The following MYH11 variants were observed in gnomAD, a reference collection of about 807,000 sequenced individuals.
MYH11 encodes the protein myosin heavy chain 11, also known as myosin-11.
A neutral mutation model predicts 246.6 loss-of-function variants in MYH11; 80 were observed. That is an observed-to-expected ratio of 0.32 (90% CI 0.27 to 0.39). MYH11 has a LOEUF of 0.39. MYH11 is among the 10% of genes least tolerant of loss of function. MYH11 has a pLI of 1.00. For synonymous variants in MYH11, 1,071 were observed against 1,015.5 expected, an observed-to-expected ratio of 1.05 and a Z score of -1.04; for missense variants, 2,158 against 2,546.8, an observed-to-expected ratio of 0.85 and a Z score of 3.29.
chr16:15,763,753 C>CT, intron 10 of MYH11, 43 bp downstream of exon 10: 1 of 843,582 alleles, frequency 1.2e-6, no homozygotes, highest in Non-Finnish European at 2.1e-6. Context: ...CCCCACCCCC[C>CT]CAACCCCAAA....
At chr16:15,827,789 C>T (rs752699081) in intron 2 of MYH11, among the ~76,000 whole-genome samples, 9 of 152,212 alleles carry the variant, frequency 5.9e-5, no homozygotes, top group Non-Finnish European at 2.9e-5. Flanking sequence ...GGGCCTTGCA[C>T]GGCGGCAGTA....
At chr16:15,816,353 C>T (rs1195838944) in intron 3 of MYH11, among the ~76,000 whole-genome samples, 2 of 151,854 alleles carry the variant, frequency 1.3e-5, no homozygotes, top group Non-Finnish European at 2.9e-5. Flanking sequence ...AGGAGATTAA[C>T]ACATTTAGAA....
chr16:15,841,230 T>C (rs1319216406), intron 1 of MYH11, among the ~76,000 whole-genome samples: 1 of 152,168 alleles, frequency 6.6e-6, no homozygotes. Flanking sequence ...CCTCTGCCTC[T>C]GGGTTCAAGC....
Position 15,728,242 on chromosome 16 carries a change from ATAAC to A in MYH11, c.3652-1192_3652-1189del, listed in dbSNP as rs749938504. Among the ~76,000 whole-genome samples the A allele has an allele frequency of 5.3e-5, 8 of 152,262 alleles. No homozygotes were observed. The South Asian group carries it at 6.2e-4, about 12-fold the overall frequency. ...AGACTCCATCTCAATCAATCAATCAATAACTAACATTCTATGTGGTGACTGTGGT... is the reference window on the plus strand; with the variant it reads ...AGACTCCATCTCAATCAATCAATCAATAACATTCTATGTGGTGACTGTGGT... On this transcript the variant is annotated intron_variant, in intron 27 of 40. Coordinates refer to ENST00000300036, the MANE Select transcript of MYH11 (RefSeq NM_002474.3).
At chr16:15,758,657 A>AG (rs1426804639) in intron 12 of MYH11, among the ~76,000 whole-genome samples, 17 of 151,598 alleles carry the variant, frequency 1.1e-4, no homozygotes. Flanking sequence ...AAAAAAAAAA[A>AG]GTAGCCAGGC....
intron 2 of MYH11, among the ~76,000 whole-genome samples, chr16:15,834,826 G>A (rs75835245): frequency 0.045 from 6,848 of 151,890 alleles, 550 homozygotes; most frequent in African/African-American, 0.15. Flanking sequence ...TCCCAGCGCC[G>A]TGAAAAGTCA....
chr16:15,718,589 C>T, intron 36 of MYH11, 151 bp from the exon 37 acceptor site: 1 of 1,227,546 alleles, frequency 8.1e-7, no homozygotes, highest in Non-Finnish European at 1.1e-6. Flanking sequence ...TCTGTAGTTA[C>T]ACAGCCAGGA....
chr16:15,775,989 A>G (rs1596818151), intron 8 of MYH11, 89 bp downstream of exon 8: 1 of 947,384 alleles, frequency 1.1e-6, no homozygotes, highest in African/African-American at 1.6e-5. Flanking sequence ...AGGATCTGAG[A>G]CTGTTTTAAT....
At chr16:15,726,553 T>G in intron 28 of MYH11, 1 of 486,696 alleles carries the variant, frequency 2.1e-6, no homozygotes, top group East Asian at 4.0e-5. Flanking sequence ...GTATTTTTAG[T>G]AGAGACTTTT....
chr16:15,787,350 G>A (rs906273817), intron 4 of MYH11, among the ~76,000 whole-genome samples: 1 of 152,078 alleles, frequency 6.6e-6, no homozygotes, highest in African/African-American at 2.4e-5. Flanking sequence ...TGAGGCCACA[G>A]TGAGCCATGA....
chr16:15,782,171 G>A (rs2042370330), intron 6 of MYH11, among the ~76,000 whole-genome samples: 1 of 152,038 alleles, frequency 6.6e-6, no homozygotes, highest in Admixed American at 6.5e-5. Context: ...GTGAGCCACC[G>A]CACCAGGCCA....
intron 3 of MYH11, among the ~76,000 whole-genome samples, chr16:15,820,090 C>G (rs1056081790): frequency 6.6e-6 from 1 of 152,148 alleles, no homozygotes; most frequent in African/African-American, 2.4e-5. Flanking sequence ...CACCTGTAAT[C>G]CCACCACTTT....
At chr16:15,718,095 G>A in intron 37 of MYH11, 2 of 703,550 alleles carry the variant, frequency 2.8e-6, no homozygotes, top group Non-Finnish European at 4.6e-6. Flanking sequence ...CGCCGTGGCT[G>A]GAAAATGAGA....
intron 13 of MYH11, 98 bp downstream of exon 13, chr16:15,757,729 T>C (rs991002963): frequency 1.1e-4 from 161 of 1,468,682 alleles, no homozygotes; most frequent in Non-Finnish European, 1.4e-4. Context: ...GGGGGAATGC[T>C]ATGTGCATGG....
Position 15,823,240 on chromosome 16 carries a change from CCTGAGTT to C in MYH11, c.502+8_502+14del. 6.2e-7 allele frequency: 1 copy of C among 1,613,996 alleles called. No homozygotes were observed. ...CTCCCTGGAGCTGGCCCCGTGCAGC[CCTGAGTT>C]CACTCACCTTGAAGCATGCTCCGGT... is the stretch of plus-strand genomic sequence containing the variant. On this transcript the variant is annotated splice_region_variant and intron_variant, in intron 3 of 40. Transcript: ENST00000300036.
intron 36 of MYH11, chr16:15,718,875 C>G (rs1185970897): frequency 2.4e-6 from 1 of 415,126 alleles, no homozygotes; most frequent in African/African-American, 2.0e-5. Context: ...CACCTGTAAT[C>G]ACAGCACTTT....
intron 9 of MYH11, among the ~76,000 whole-genome samples, chr16:15,770,977 A>G (rs1487136760): frequency 6.6e-6 from 1 of 151,364 alleles, no homozygotes; most frequent in Non-Finnish European, 1.5e-5. Context: ...ATCTCACTGT[A>G]CCTGAAGCTT....
intron 32 of MYH11, 73 bp from the exon 33 acceptor site, chr16:15,721,124 CG>C: frequency 6.5e-7 from 1 of 1,529,718 alleles, no homozygotes; most frequent in East Asian, 2.3e-5. Context: ...CCACCGTGAG[CG>C]GCACCTCAGG....
intron 38 of MYH11, among the ~76,000 whole-genome samples, chr16:15,716,075 T>A (rs1014898755): frequency 1.3e-5 from 2 of 152,072 alleles, no homozygotes; most frequent in Admixed American, 1.3e-4. Flanking sequence ...CACACCAGCC[T>A]GGGAAACAGA....
Sources: allele counts gnomAD v4.1 joint callset (sites outside exome capture counted in the v4.1 genomes callset), GRCh38; gene constraint gnomAD v4.1.1; transcripts MANE v1.5; gene names NCBI Gene and HGNC (gene_info 2026-07-23, HGNC 2026-07-21).